The following FRMD4B variants were observed in gnomAD, a reference collection of about 807,000 sequenced individuals.
FRMD4B encodes FERM domain-containing protein 4B.
FRMD4B carries 74 observed loss-of-function variants against 141.5 expected under a neutral mutation model. That is an observed-to-expected ratio of 0.52 (90% confidence interval 0.43 to 0.63). The LOEUF (loss-of-function observed/expected upper bound fraction) is 0.63. FRMD4B is among the 30% of genes least tolerant of loss of function. The pLI is 0.00. For missense variants in FRMD4B, 1,366 were observed against 1,253.4 expected, an observed-to-expected ratio of 1.09 and a Z score of -1.36; for synonymous variants, 506 against 467.9, an observed-to-expected ratio of 1.08 and a Z score of -1.05.
At chr3:69,448,086 G>A (rs1207619382) in intron 1 of FRMD4B, among the ~76,000 whole-genome samples, 1 of 150,864 alleles carries the variant, frequency 6.6e-6, no homozygotes, top group Non-Finnish European at 1.5e-5. Context: ...CTGGAGTGCA[G>A]TGTTGCGATC....
intron 1 of FRMD4B, among the ~76,000 whole-genome samples, chr3:69,478,306 A>G (rs1189766933): frequency 2.0e-5 from 3 of 152,014 alleles, no homozygotes; most frequent in Non-Finnish European, 4.4e-5. Flanking sequence ...TAGAGTGTCA[A>G]TTTTGGATCT....
chr3:69,181,826 A>G (rs1331314226), intron 20 of FRMD4B, 116 bp from the exon 21 acceptor site: 17 of 650,064 alleles, frequency 2.6e-5, no homozygotes, highest in Non-Finnish European at 4.0e-5. Flanking sequence ...TAGGACTTTG[A>G]GTTGCCAAAG....
intron 1 of FRMD4B, among the ~76,000 whole-genome samples, chr3:69,352,921 G>C (rs553416487): frequency 6.6e-6 from 1 of 152,178 alleles, no homozygotes; most frequent in South Asian, 2.1e-4. Flanking sequence ...GGACACCACG[G>C]AATTTTTGTT....
intron 7 of FRMD4B, among the ~76,000 whole-genome samples, chr3:69,230,577 C>T (rs1403648310): frequency 6.6e-6 from 1 of 151,592 alleles, no homozygotes; most frequent in Non-Finnish European, 1.5e-5. Flanking sequence ...GAAACCCCAC[C>T]TCTATTAAAA....
intron 5 of FRMD4B, among the ~76,000 whole-genome samples, chr3:69,267,442 A>G (rs2093567774): frequency 6.6e-6 from 1 of 152,060 alleles, no homozygotes; most frequent in South Asian, 2.1e-4. Context: ...TATATTAAAC[A>G]CAATTTGTGA....
At chr3:69,315,248 A>T (rs1348946093) in intron 1 of FRMD4B, among the ~76,000 whole-genome samples, 1 of 152,232 alleles carries the variant, frequency 6.6e-6, no homozygotes, top group African/African-American at 2.4e-5. Context: ...AATGCATAGA[A>T]TGCCAAGATA....
At chr3:69,459,511 AAGATACCAGAAC>A (rs1201626586) in intron 1 of FRMD4B, among the ~76,000 whole-genome samples, 1 of 152,216 alleles carries the variant, frequency 6.6e-6, no homozygotes, top group Non-Finnish European at 1.5e-5. Context: ...CCACTTGTGA[AAGATACCAGAAC>A]AGATTTAATG....
intron 1 of FRMD4B, among the ~76,000 whole-genome samples, chr3:69,503,457 T>C (rs7637757): frequency 0.065 from 9,341 of 144,628 alleles, 339 homozygotes; most frequent in Non-Finnish European, 0.078. Flanking sequence ...ACACTGCATG[T>C]TCTCACTGAT....
chr3:69,419,547 T>C (rs957074089), intron 2 of FRMD4B, among the ~76,000 whole-genome samples: 2 of 151,122 alleles, frequency 1.3e-5, no homozygotes, highest in Non-Finnish European at 3.0e-5. Context: ...CTGAGTCATC[T>C]GTCTAAACTT....
At chr3:69,461,623 C>CAAAAAA (rs58143332) in intron 1 of FRMD4B, among the ~76,000 whole-genome samples, 85 of 43,220 alleles carry the variant, frequency 2.0e-3, no homozygotes, top group Non-Finnish European at 2.1e-3. Context: ...GACTCTGTCT[C>CAAAAAA]AAAAAAAAAA....
chr3:69,531,647 C>G (rs1374113701), intron 1 of FRMD4B, among the ~76,000 whole-genome samples: 1 of 152,200 alleles, frequency 6.6e-6, no homozygotes, highest in Non-Finnish European at 1.5e-5. Context: ...TATCGAATAG[C>G]ATGAACCTTT....
intron 9 of FRMD4B, among the ~76,000 whole-genome samples, chr3:69,218,840 A>C (rs912611865): frequency 2.6e-5 from 4 of 152,174 alleles, no homozygotes; most frequent in Non-Finnish European, 5.9e-5. Flanking sequence ...AAAACTATGA[A>C]TTATGGTATG....
chr3:69,358,102 C>A (rs982499107), intron 1 of FRMD4B, among the ~76,000 whole-genome samples: 5 of 152,212 alleles, frequency 3.3e-5, no homozygotes, highest in African/African-American at 1.2e-4. Flanking sequence ...TTACACATTT[C>A]TTTCACACAC....
intron 1 of FRMD4B, among the ~76,000 whole-genome samples, chr3:69,348,030 C>A (rs1206086994): frequency 6.6e-6 from 1 of 152,046 alleles, no homozygotes; most frequent in African/African-American, 2.4e-5. Context: ...TTCAAAAAAT[C>A]AATGAATCCA....
At chr3:69,416,797 T>C (rs1272962880) in intron 2 of FRMD4B, among the ~76,000 whole-genome samples, 2 of 152,108 alleles carry the variant, frequency 1.3e-5, no homozygotes, top group Admixed American at 1.3e-4. Context: ...TGAGAACATG[T>C]GGTGTTTGGT....
At chr3:69,224,488 T>C (rs2093230795) in intron 8 of FRMD4B, 119 bp downstream of exon 8, 2 of 696,248 alleles carry the variant, frequency 2.9e-6, no homozygotes, top group Non-Finnish European at 5.2e-6. Context: ...GGTTACTTTA[T>C]ACAATTGATT....
chr3:69,213,787 T>C (rs1239925409), intron 11 of FRMD4B, among the ~76,000 whole-genome samples: 1 of 151,846 alleles, frequency 6.6e-6, no homozygotes. Context: ...CTCAGCCTCC[T>C]GTATAACTGG....
chr3:69,226,802 A>C (rs2093259030), intron 7 of FRMD4B, among the ~76,000 whole-genome samples: 1 of 152,238 alleles, frequency 6.6e-6, no homozygotes, highest in Non-Finnish European at 1.5e-5. Flanking sequence ...CAAAAGGGAA[A>C]GGAGAATAGG....
At chr3:69,291,663 A>T (rs777420692) in intron 4 of FRMD4B, among the ~76,000 whole-genome samples, 3 of 152,188 alleles carry the variant, frequency 2.0e-5, no homozygotes, top group Non-Finnish European at 2.9e-5. Flanking sequence ...GAATGACCTA[A>T]AGATCAAAGA....
Sources: allele counts gnomAD v4.1 joint callset (sites outside exome capture counted in the v4.1 genomes callset), GRCh38; gene constraint gnomAD v4.1.1; transcripts MANE v1.5; gene names NCBI Gene and HGNC (gene_info 2026-07-23, HGNC 2026-07-21).